Variants in SBNO2 observed in about 807,000 individuals in gnomAD.
SBNO2 encodes the protein protein strawberry notch homolog 2.
A neutral mutation model predicts 146.3 loss-of-function variants in SBNO2; 89 were observed. The ratio of observed to expected loss-of-function variants is 0.61; its 90% CI spans 0.51 to 0.73. The LOEUF (loss-of-function observed/expected upper bound fraction) is 0.73, where lower values mean the gene tolerates loss of function less well. Ranked by LOEUF, SBNO2 falls within the 30% of genes least tolerant of loss-of-function variation. SBNO2 has a pLI of 0.00. For synonymous variants in SBNO2, 1,147 were observed against 892.6 expected, an observed-to-expected ratio of 1.29 and a Z score of -5.08; for missense variants, 2,092 against 2,003.7, an observed-to-expected ratio of 1.04 and a Z score of -0.84.
chr19:1,122,745 A>T lies in SBNO2; in HGVS notation c.827T>A (p.Ile276Asn). Reference sequence around the variant, plus strand: ...TTTGCCCACGCCGGCCCCATCGCCGATGAGAAAGCCCGCGCGCTGCCCGCT... The same window carrying T: ...TTTGCCCACGCCGGCCCCATCGCCGTTGAGAAAGCCCGCGCGCTGCCCGCT... ...LPSGQRAGFLIGDGAGVGKGR... is the reference protein window; with the variant it reads ...LPSGQRAGFLNGDGAGVGKGR... Residue 276 changes from isoleucine to asparagine, a missense_variant, in exon 9 of 32, where the codon ATC (isoleucine) becomes AAC (asparagine). Ile to Asn is a moderately radical substitution (Grantham distance 149). Coordinates refer to ENST00000361757, the MANE Select transcript of SBNO2 (RefSeq NM_014963.3). The T allele has an allele frequency of 6.5e-7, 1 of 1,537,328 alleles. No individual in the cohort carries two copies. The highest frequency in any genetic ancestry group is 8.7e-7 in the Non-Finnish European group (1 of 1,146,474).
intron 13 of SBNO2, 60 bp downstream of exon 13, chr19:1,119,456 G>A (rs1228802855): frequency 4.5e-6 from 6 of 1,321,054 alleles, no homozygotes; most frequent in Non-Finnish European, 6.4e-6. Context: ...TGGGCTGATG[G>A]GCCTGAGGCC....
chr19:1,168,022 G>T (rs980392314), intron 1 of SBNO2, among the ~76,000 whole-genome samples: 3 of 152,076 alleles, frequency 2.0e-5, no homozygotes, highest in African/African-American at 7.2e-5. Flanking sequence ...GGGGGAGGGG[G>T]CCACACAGGT....
In SBNO2 at chr19:1,122,450, G is replaced by A. The variant is rs1478994177; in HGVS notation, c.1005+18C>T. The A allele has an allele frequency of 1.9e-6, 3 of 1,562,224 alleles. No individual in the cohort carries two copies. Among genetic ancestry groups the A allele is most frequent in the South Asian group, 1.2e-5 (1 of 85,314 alleles). The stretch of plus-strand genomic sequence containing the variant: ...CGGTCCCCACCTTGCCCCCTACTTT[G>A]CCGAGCACAGCCCCTACCTTGCTGA... On this transcript the variant is annotated intron_variant, in intron 10 of 31. Transcript: ENST00000361757.
At chr19:1,156,625 A>G (rs892513215) in intron 1 of SBNO2, among the ~76,000 whole-genome samples, 1 of 152,174 alleles carries the variant, frequency 6.6e-6, no homozygotes, top group Non-Finnish European at 1.5e-5. Flanking sequence ...CGAGTGGACC[A>G]GCATGTGGCG....
rs900024108 is a variant in SBNO2, at chr19:1,150,024, G to A, written c.94-582C>T. Among the ~76,000 whole-genome samples the A allele has an allele frequency of 3.3e-5, 5 of 152,166 alleles. No individual in the cohort carries two copies. The highest frequency in any genetic ancestry group is 1.2e-4 in the African/African-American group (5 of 41,420). On this transcript the variant is annotated intron_variant, in intron 2 of 31. Transcript: ENST00000361757. This position sits in a 1 kb window ranked among gnomAD's most constrained non-coding sequence, Gnocchi z 6.2. ...CAGAAGCTGCACGGGGCTGGGGTGCGGGGAGCCTGCTTTGGGAAATGGTGA... is the reference window on the plus strand; with the variant it reads ...CAGAAGCTGCACGGGGCTGGGGTGCAGGGAGCCTGCTTTGGGAAATGGTGA...
chr19:1,113,156 C>T (rs893772061), intron 19 of SBNO2, among the ~76,000 whole-genome samples: 1 of 152,164 alleles, frequency 6.6e-6, no homozygotes, highest in African/African-American at 2.4e-5. Flanking sequence ...AGCCAGCCGG[C>T]GCCACGAAGT....
chr19:1,159,244 A>G (rs1431737502), intron 1 of SBNO2, among the ~76,000 whole-genome samples: 1 of 151,804 alleles, frequency 6.6e-6, no homozygotes, highest in Non-Finnish European at 1.5e-5. Context: ...TGGGGCAGAG[A>G]GCCCTGCAAG....
chr19:1,113,817 G>T, intron 18 of SBNO2, 113 bp from the exon 19 acceptor site: 1 of 1,314,798 alleles, frequency 7.6e-7, no homozygotes, highest in Non-Finnish European at 9.8e-7. Context: ...CAACCCTGAG[G>T]GACGGCAGGG....
chr19:1,144,252 A>G lies in SBNO2; in HGVS notation c.279+3057T>C, dbSNP rs1445086770. Among the ~76,000 whole-genome samples, 1 of 151,088 alleles carries G rather than the reference A, an allele frequency of 6.6e-6. No individual in the cohort carries two copies. Among genetic ancestry groups the G allele is most frequent in the African/African-American group, 2.4e-5 (1 of 40,986 alleles). ...CTGACCCACACCCGTCCCATCCCAC[A>G]CTCAGCACTGGGGGACCACGCGGCC... On this transcript the variant is annotated intron_variant, in intron 4 of 31. Coordinates refer to ENST00000361757, the MANE Select transcript of SBNO2 (RefSeq NM_014963.3). The surrounding 1 kb of genome is among the most constrained non-coding windows in gnomAD (Gnocchi z 4.1).
rs557376862 is a variant in SBNO2 at position 1,112,155 on chromosome 19, T to G, written c.2628+34A>C. ...GCTTTGGAGAGCCTTCCTGGGCCTG[T>G]CCCTGGTTCTCAGCCCCACCCCCAC... On this transcript the variant is annotated intron_variant, in intron 22 of 31. Transcript: ENST00000361757. The surrounding 1 kb of genome is among the most constrained non-coding windows in gnomAD (Gnocchi z 5.9). 4 of 1,588,378 alleles carry G rather than the reference T, an allele frequency of 2.5e-6. No individual in the cohort carries two copies. The South Asian group carries it at 4.5e-5, about 18-fold the overall frequency.
intron 4 of SBNO2, among the ~76,000 whole-genome samples, chr19:1,131,156 C>T (rs904457381): frequency 2.0e-5 from 3 of 152,216 alleles, no homozygotes; most frequent in Admixed American, 2.0e-4. Context: ...CCCTCCACAG[C>T]CCCTCCAGGC....
intron 3 of SBNO2, among the ~76,000 whole-genome samples, chr19:1,148,419 C>G (rs1037147680): frequency 1.3e-5 from 2 of 151,852 alleles, no homozygotes; most frequent in Admixed American, 6.6e-5. Context: ...AACTCCTACC[C>G]CCCCTGCAGA....
rs200233201 is a variant in SBNO2 at position 1,116,117 on chromosome 19, G to A, written c.1803-14C>T. ...AGGAACACGCCTCTGAAAGTGAGAC[G>A]CGGAGTTTATTCTCACACGAGGAGC... On this transcript the variant is annotated splice_polypyrimidine_tract_variant and intron_variant, in intron 16 of 31. Coordinates refer to ENST00000361757, the MANE Select transcript of SBNO2 (RefSeq NM_014963.3). 1.9e-5 allele frequency: 31 copies of A among 1,600,952 alleles called. No homozygotes were observed. The highest frequency in any genetic ancestry group is 1.7e-4 in the Middle Eastern group (1 of 5,798).
Position 1,122,045 on chromosome 19 carries a change from T to C in SBNO2, c.1149+94A>G, listed in dbSNP as rs775683757. ...TCTCCCATCCTGCCCTCCTCTCCCC[T>C]GACTCCCACCCCTCCTCTCCCACTC... On this transcript the variant is annotated intron_variant, in intron 11 of 31. Coordinates refer to ENST00000361757, the MANE Select transcript of SBNO2 (RefSeq NM_014963.3). 79 of 385,222 alleles carry C rather than the reference T, an allele frequency of 2.1e-4. 1 individual carries two copies. Among genetic ancestry groups the C allele is most frequent in the South Asian group, 3.6e-4 (6 of 16,552 alleles). The allele number at this position is 385,222 out of a possible 1,614,324, so 23.9% of individuals were successfully genotyped here. A position where few individuals can be genotyped will look rare whatever the true frequency, so the allele number is the denominator to read the frequency against.
In SBNO2 at chr19:1,112,320, T is replaced by C; in HGVS notation, c.2516-19A>G. ...GTGCGGCCTGGGGGCAGAGCTGCTCTCAGGGCCCGGCCAGGCGGGGGCGGG... is the reference window on the plus strand; with the variant it reads ...GTGCGGCCTGGGGGCAGAGCTGCTCCCAGGGCCCGGCCAGGCGGGGGCGGG... On this transcript the variant is annotated intron_variant, in intron 21 of 31. Transcript: ENST00000361757. The surrounding 1 kb of genome is among the most constrained non-coding windows in gnomAD (Gnocchi z 5.9). 6.3e-7 allele frequency: 1 copy of C among 1,575,320 alleles called. No homozygotes were observed. The highest frequency in any genetic ancestry group is 8.6e-7 in the Non-Finnish European group (1 of 1,162,098).
rs1292036347 is a variant in SBNO2 at position 1,157,933 on chromosome 19, C to A, written c.-126-3531G>T. On this transcript the variant is annotated intron_variant, in intron 1 of 31. Coordinates refer to ENST00000361757, the MANE Select transcript of SBNO2 (RefSeq NM_014963.3). This position sits in a 1 kb window ranked among gnomAD's most constrained non-coding sequence, Gnocchi z 6.8. ...TAACTGTCCGCCTCCCAGCTCTCTC[C>A]TGAGTCCGGATAACTGTCCGCCTCC... is the stretch of plus-strand genomic sequence containing the variant. Among the ~76,000 whole-genome samples the A allele has an allele frequency of 6.6e-6, 1 of 151,020 alleles. No homozygotes were observed. The highest frequency in any genetic ancestry group is 1.5e-5 in the Non-Finnish European group (1 of 67,770).
At chr19:1,166,617 GCACACACACA>G (rs71932539) in intron 1 of SBNO2, among the ~76,000 whole-genome samples, 1,973 of 136,348 alleles carry the variant, frequency 0.014, 16 homozygotes, top group African/African-American at 0.026. Context: ...AACTGCACGC[GCACACACACA>G]CACACACACA....
chr19:1,141,475 AAAGTGCTGGGGTTAC>A (rs754378653), intron 4 of SBNO2, among the ~76,000 whole-genome samples: 1 of 152,074 alleles, frequency 6.6e-6, no homozygotes, highest in Non-Finnish European at 1.5e-5. Context: ...TTGGCCCCCC[AAAGTGCTGGGGTTAC>A]AAGCTTGAGC....
intron 4 of SBNO2, among the ~76,000 whole-genome samples, chr19:1,133,874 G>A (rs2080059565): frequency 6.6e-6 from 1 of 152,348 alleles, no homozygotes; most frequent in South Asian, 2.1e-4. Context: ...GAGGACGCGG[G>A]GCAGTGGCCT....
Sources: gnomAD v4.1 joint callset for allele counts (sites outside exome capture counted in the v4.1 genomes callset) on GRCh38, gnomAD v4.1.1 for gene constraint, Gnocchi (gnomAD v3.1) non-coding constraint, MANE v1.5 for transcripts, NCBI Gene and HGNC (gene_info 2026-07-23, HGNC 2026-07-21) for gene names.